The following ANKFN1 variants were observed in gnomAD, a reference collection of about 807,000 sequenced individuals.
The protein encoded by ANKFN1 is ankyrin repeat and fibronectin type-III domain-containing protein 1.
A neutral mutation model predicts 108.7 loss-of-function variants in ANKFN1; 74 were observed. That is an observed-to-expected ratio of 0.68 (90% CI 0.56 to 0.83). The LOEUF (loss-of-function observed/expected upper bound fraction) is 0.83. Ranked by LOEUF, ANKFN1 falls within the 40% of genes least tolerant of loss-of-function variation. The pLI is 0.00. For synonymous variants in ANKFN1, 547 were observed against 516.2 expected (o/e 1.06, Z -0.81); for missense variants, 1,505 against 1,382.3 (o/e 1.09, Z -1.41).
In ANKFN1 at chr17:56,512,444, C is replaced by T; in HGVS notation, c.*1175C>T. ...GCATCAGGGAAAATATGCTCAGAAG[C>T]CTTTACAAGTGGTTAATTCCAAGGA... is the stretch of plus-strand genomic sequence containing the variant. On this transcript the variant is annotated 3_prime_UTR_variant, in exon 21 of 21. Coordinates refer to ENST00000682825, the MANE Select transcript of ANKFN1 (RefSeq NM_001370326.1). 6.6e-6 allele frequency among the ~76,000 whole-genome samples: 1 copy of T among 152,152 alleles called. No homozygotes were observed.
At chr17:56,381,483 A>G (rs549938598) in intron 8 of ANKFN1, among the ~76,000 whole-genome samples, 25 of 152,248 alleles carry the variant, frequency 1.6e-4, no homozygotes, top group African/African-American at 5.5e-4. Flanking sequence ...CGATCAAACT[A>G]CTCCGAGCTA....
intron 4 of ANKFN1, among the ~76,000 whole-genome samples, chr17:56,141,708 G>A (rs1907927759): frequency 6.6e-6 from 1 of 152,074 alleles, no homozygotes; most frequent in Non-Finnish European, 1.5e-5. Flanking sequence ...TTTGAGCACA[G>A]CGTTCCAGTG....
chr17:56,511,187 T>G lies in ANKFN1; in HGVS notation c.3359T>G (p.Leu1120Arg). 3 of 1,535,988 alleles carry G rather than the reference T, an allele frequency of 2.0e-6. No individual in the cohort carries two copies. The highest frequency in any genetic ancestry group is 2.6e-6 in the Non-Finnish European group (3 of 1,146,854). The change falls in exon 21 of 21, where the codon CTG becomes CGG. Residue 1120 changes from leucine (L) to arginine (R), a missense_variant. By Grantham distance (102) the Leu-to-Arg change is moderately radical (BLOSUM62 -2). Transcript: ENST00000682825. ...LSPPSGGRITLPSPTGPDVSQ... is the reference protein window; with the variant it reads ...LSPPSGGRITRPSPTGPDVSQ... Reference sequence around the variant, plus strand: ...CCGCCCTCTGGAGGCCGCATCACCCTGCCCAGCCCCACTGGCCCCGATGTG... The same window carrying G: ...CCGCCCTCTGGAGGCCGCATCACCCGGCCCAGCCCCACTGGCCCCGATGTG...
intron 4 of ANKFN1, among the ~76,000 whole-genome samples, chr17:56,049,689 A>G (rs1055328549): frequency 4.0e-5 from 6 of 149,446 alleles, no homozygotes; most frequent in African/African-American, 1.0e-4. Context: ...ATGATTTCCA[A>G]TTTCATCCAT....
chr17:56,198,908 C>T (rs988889846), intron 1 of ANKFN1, among the ~76,000 whole-genome samples: 10 of 152,148 alleles, frequency 6.6e-5, no homozygotes, highest in African/African-American at 2.2e-4. Flanking sequence ...TCGCTACCAC[C>T]TTCTCTAATC....
intron 3 of ANKFN1, among the ~76,000 whole-genome samples, chr17:56,279,492 C>T (rs1019028563): frequency 4.6e-5 from 7 of 152,142 alleles, no homozygotes; most frequent in South Asian, 2.1e-4. Context: ...TTTTATAGCT[C>T]GAAAATTGAC....
At chr17:56,224,120 G>A (rs1598267942) in intron 2 of ANKFN1, among the ~76,000 whole-genome samples, 1 of 152,180 alleles carries the variant, frequency 6.6e-6, no homozygotes, top group East Asian at 1.9e-4. Context: ...ACATCCCTAT[G>A]CCTTCATCAC....
intron 18 of ANKFN1, 45 bp downstream of exon 18, chr17:56,482,569 A>G: frequency 6.3e-7 from 1 of 1,589,826 alleles, no homozygotes; most frequent in Non-Finnish European, 8.6e-7. Flanking sequence ...CAGCCTCCTT[A>G]TAATAAAATC....
chr17:56,208,674 G>A (rs1474954950), intron 1 of ANKFN1, among the ~76,000 whole-genome samples: 1 of 152,082 alleles, frequency 6.6e-6, no homozygotes, highest in African/African-American at 2.4e-5. Flanking sequence ...ATTTCACTCT[G>A]ATCTTCCTGG....
chr17:56,480,112 A>T (rs2050645422), intron 16 of ANKFN1, among the ~76,000 whole-genome samples: 1 of 152,200 alleles, frequency 6.6e-6, no homozygotes, highest in Non-Finnish European at 1.5e-5. Context: ...GGAAGCAGTG[A>T]TATGCATCCC....
At chr17:56,313,503 A>G (rs1043807874) in intron 3 of ANKFN1, among the ~76,000 whole-genome samples, 1 of 152,192 alleles carries the variant, frequency 6.6e-6, no homozygotes, top group Admixed American at 6.5e-5. Flanking sequence ...TGTGTGAGCT[A>G]GTAGTAATCT....
At chr17:56,063,324 G>C (rs536830243) in intron 4 of ANKFN1, among the ~76,000 whole-genome samples, 1 of 151,924 alleles carries the variant, frequency 6.6e-6, no homozygotes, top group South Asian at 2.1e-4. Flanking sequence ...AGTTCTCCTG[G>C]ATAATATCCT....
chr17:56,434,519 A>G (rs989183827), intron 8 of ANKFN1, among the ~76,000 whole-genome samples: 4 of 152,200 alleles, frequency 2.6e-5, no homozygotes, highest in African/African-American at 4.8e-5. Context: ...ACTGTGTGCT[A>G]TGCAAACAAT....
intron 4 of ANKFN1, among the ~76,000 whole-genome samples, chr17:56,339,548 A>G (rs2045908006): frequency 6.6e-6 from 1 of 152,114 alleles, no homozygotes; most frequent in African/African-American, 2.4e-5. Flanking sequence ...ATAAGTGACA[A>G]CCTGCAATAT....
chr17:56,270,406 G>A (rs146130020), intron 3 of ANKFN1, among the ~76,000 whole-genome samples: 2 of 152,236 alleles, frequency 1.3e-5, no homozygotes, highest in African/African-American at 4.8e-5. Flanking sequence ...TACAGGAAGA[G>A]AGAAAAGCTA....
At chr17:56,188,577 G>GTATATATATATATATATATA (rs1433162811) in intron 1 of ANKFN1, among the ~76,000 whole-genome samples, 2 of 80,796 alleles carry the variant, frequency 2.5e-5, no homozygotes, top group Admixed American at 1.4e-4. Flanking sequence ...GTGTGTGTGT[G>GTATATATATATATATATATA]TGTGTATATA....
chr17:56,390,241 CCT>C (rs1468248838), intron 8 of ANKFN1, among the ~76,000 whole-genome samples: 5 of 151,898 alleles, frequency 3.3e-5, no homozygotes, highest in African/African-American at 1.2e-4. Context: ...TGTTTCCCTC[CCT>C]GTGTCCATGT....
At chr17:56,074,378 C>T (rs930951753) in intron 4 of ANKFN1, among the ~76,000 whole-genome samples, 6 of 152,178 alleles carry the variant, frequency 3.9e-5, no homozygotes, top group South Asian at 2.1e-4. Context: ...CCACATGGAG[C>T]GAGACCCCTC....
intron 3 of ANKFN1, among the ~76,000 whole-genome samples, chr17:56,246,209 G>A (rs1026949944): frequency 6.6e-6 from 1 of 152,106 alleles, no homozygotes; most frequent in Non-Finnish European, 1.5e-5. Context: ...TTTGGAGCAA[G>A]TCTGACTCAT....
Sources: allele counts gnomAD v4.1 joint callset (sites outside exome capture counted in the v4.1 genomes callset), GRCh38; gene constraint gnomAD v4.1.1; transcripts MANE v1.5; gene names NCBI Gene and HGNC (gene_info 2026-07-23, HGNC 2026-07-21).